The following PTPRD variants were observed in gnomAD, a reference collection of about 807,000 sequenced individuals.
PTPRD encodes protein tyrosine phosphatase receptor type D.
Under a neutral mutation model 214.5 loss-of-function variants are expected in PTPRD, and 34 were observed. That is an observed-to-expected ratio of 0.16 (90% CI 0.12 to 0.21). The LOEUF is 0.21. Among genes scored for constraint, PTPRD ranks in the 10% least tolerant of loss-of-function variants. The pLI is 1.00. For missense variants in PTPRD, 2,545 were observed against 2,398.7 expected (o/e 1.06, Z -1.27); for synonymous variants, 1,128 against 845.7 (o/e 1.33, Z -5.79).
intron 9 of PTPRD, among the ~76,000 whole-genome samples, chr9:9,257,776 CCTGTCT>C (rs1435870504): frequency 6.6e-6 from 1 of 151,736 alleles, no homozygotes; most frequent in Non-Finnish European, 1.5e-5. Flanking sequence ...AAAATGAGAC[CCTGTCT>C]CAATTAAAAA....
At chr9:9,755,715 C>T (rs1051351020) in intron 6 of PTPRD, among the ~76,000 whole-genome samples, 1 of 151,886 alleles carries the variant, frequency 6.6e-6, no homozygotes, top group Non-Finnish European at 1.5e-5. Context: ...AATACAAAGG[C>T]AAACGAAAAA....
chr9:10,390,241 C>G (rs1158083326), intron 2 of PTPRD, among the ~76,000 whole-genome samples: 1 of 151,700 alleles, frequency 6.6e-6, no homozygotes, highest in Non-Finnish European at 1.5e-5. Context: ...TAAAAGACAA[C>G]CAAAATCATA....
intron 10 of PTPRD, among the ~76,000 whole-genome samples, chr9:9,140,669 C>A (rs2154480640): frequency 6.6e-6 from 1 of 152,344 alleles, no homozygotes; most frequent in South Asian, 2.1e-4. Flanking sequence ...GGCTTCGCCT[C>A]CCGGGTTCAC....
chr9:9,803,981 C>A (rs1247282322), intron 5 of PTPRD, among the ~76,000 whole-genome samples: 4 of 152,012 alleles, frequency 2.6e-5, no homozygotes, highest in African/African-American at 4.8e-5. Context: ...CTTACTGGAG[C>A]AATGGAACAA....
intron 2 of PTPRD, among the ~76,000 whole-genome samples, chr9:10,608,108 A>T (rs925579818): frequency 1.3e-5 from 2 of 152,012 alleles, no homozygotes; most frequent in African/African-American, 4.8e-5. Context: ...TAGCTCTTAC[A>T]GTCTACATGT....
chr9:9,600,690 T>C (rs2093680415), intron 7 of PTPRD, among the ~76,000 whole-genome samples: 1 of 152,068 alleles, frequency 6.6e-6, no homozygotes, highest in South Asian at 2.1e-4. Flanking sequence ...CTGATTATTC[T>C]ATGAATCTCA....
intron 5 of PTPRD, among the ~76,000 whole-genome samples, chr9:9,826,338 C>G (rs1183675215): frequency 6.6e-6 from 1 of 151,724 alleles, no homozygotes; most frequent in Non-Finnish European, 1.5e-5. Context: ...CTGAGATTTT[C>G]TAATACTGAT....
intron 11 of PTPRD, among the ~76,000 whole-genome samples, chr9:8,829,451 T>C (rs1306966809): frequency 1.3e-5 from 2 of 152,264 alleles, no homozygotes; most frequent in African/African-American, 2.4e-5. Flanking sequence ...ATTTTGTGCA[T>C]ACATCAGTTC....
intron 3 of PTPRD, among the ~76,000 whole-genome samples, chr9:10,081,219 A>C (rs1018315017): frequency 6.6e-6 from 1 of 152,160 alleles, no homozygotes; most frequent in Non-Finnish European, 1.5e-5. Context: ...AATAACTTTC[A>C]AAATAATACT....
chr9:8,725,878 T>C (rs1009709057), intron 12 of PTPRD, among the ~76,000 whole-genome samples: 1 of 152,080 alleles, frequency 6.6e-6, no homozygotes, highest in Non-Finnish European at 1.5e-5. Context: ...AGAGACAAAG[T>C]CTGAGAAGAT....
chr9:9,740,755 A>T (rs2098388697), intron 6 of PTPRD, among the ~76,000 whole-genome samples: 1 of 152,218 alleles, frequency 6.6e-6, no homozygotes, highest in South Asian at 2.1e-4. Context: ...ACAATAACAA[A>T]TAATTTTAGT....
chr9:9,022,888 A>T (rs1268728091), intron 10 of PTPRD, among the ~76,000 whole-genome samples: 1 of 152,154 alleles, frequency 6.6e-6, no homozygotes, highest in Non-Finnish European at 1.5e-5. Context: ...TTGGAATTAT[A>T]GTGTATTATT....
intron 9 of PTPRD, among the ~76,000 whole-genome samples, chr9:9,384,709 C>T (rs2063359652): frequency 1.3e-5 from 2 of 151,854 alleles, no homozygotes; most frequent in South Asian, 4.1e-4. Flanking sequence ...AAATGAGCTC[C>T]TTGATCACTA....
chr9:10,173,198 T>C (rs766619978), intron 3 of PTPRD, among the ~76,000 whole-genome samples: 5 of 152,178 alleles, frequency 3.3e-5, no homozygotes, highest in Non-Finnish European at 7.4e-5. Flanking sequence ...TTTTGAAGTG[T>C]TGGAGAATGC....
At chr9:8,497,949 G>C (rs2097312086) in intron 25 of PTPRD, among the ~76,000 whole-genome samples, 1 of 152,134 alleles carries the variant, frequency 6.6e-6, no homozygotes, top group South Asian at 2.1e-4. Flanking sequence ...TTCCATAATT[G>C]TAGACTTACA....
At chr9:9,639,976 A>G (rs2095883794) in intron 7 of PTPRD, among the ~76,000 whole-genome samples, 1 of 152,220 alleles carries the variant, frequency 6.6e-6, no homozygotes, top group South Asian at 2.1e-4. Flanking sequence ...TGATGATAGA[A>G]ACACCTAAGA....
chr9:8,339,232 C>T (rs1191332501), intron 42 of PTPRD, among the ~76,000 whole-genome samples, 185 bp from the exon 43 acceptor site: 1 of 152,090 alleles, frequency 6.6e-6, no homozygotes, highest in Non-Finnish European at 1.5e-5. Context: ...CATAGGGAAA[C>T]CCTTTGGTTC....
chr9:8,380,268 C>CT (rs1421290471), intron 37 of PTPRD, among the ~76,000 whole-genome samples: 1 of 152,178 alleles, frequency 6.6e-6, no homozygotes, highest in African/African-American at 2.4e-5. Flanking sequence ...GCCTTACTGA[C>CT]TAAGTGGGGT....
chr9:10,254,435 T>C (rs1025458550), intron 3 of PTPRD, among the ~76,000 whole-genome samples: 15 of 152,140 alleles, frequency 9.9e-5, no homozygotes, highest in African/African-American at 3.4e-4. Flanking sequence ...GTTTGTCAAA[T>C]AGGCAAGACT....
Sources: allele counts gnomAD v4.1 joint callset (sites outside exome capture counted in the v4.1 genomes callset), GRCh38; gene constraint gnomAD v4.1.1; transcripts MANE v1.5; gene names NCBI Gene and HGNC (gene_info 2026-07-23, HGNC 2026-07-21).